Variants in ZNF718 observed in about 807,000 individuals in gnomAD.
ZNF718 encodes the protein zinc finger protein 718.
ZNF718 carries 3 observed loss-of-function variants against 2.6 expected under a neutral mutation model. The ratio of observed to expected loss-of-function variants is 1.16; its 90% CI spans 0.53 to 3.01. The LOEUF (loss-of-function observed/expected upper bound fraction) is 3.01. Among genes scored for constraint, ZNF718 ranks in the 30% most tolerant of loss-of-function variants. ZNF718 has a pLI of 0.03. For synonymous variants in ZNF718, 135 were observed against 77.9 expected (o/e 1.73, Z -3.86); for missense variants, 468 against 230.0 (o/e 2.03, Z -6.69).
chr4:175,508 A>G (rs1717328054), intron 3 of ZNF718, among the ~76,000 whole-genome samples: 1 of 152,204 alleles, frequency 6.6e-6, no homozygotes, highest in Non-Finnish European at 1.5e-5. Flanking sequence ...AAGTAGGGCA[A>G]TCCCAATATT....
chr4:188,382 G>A (rs1450790686), intron 3 of ZNF718, among the ~76,000 whole-genome samples: 1 of 152,212 alleles, frequency 6.6e-6, no homozygotes, highest in African/African-American at 2.4e-5. Context: ...AAAGATAGTG[G>A]CCTGGCCCTC....
chr4:154,999 G>A (rs1171665163), intron 3 of ZNF718, among the ~76,000 whole-genome samples: 6 of 152,214 alleles, frequency 3.9e-5, no homozygotes, highest in Admixed American at 1.3e-4. Flanking sequence ...TCTACCCATA[G>A]CTAAACAGGG....
chr4:145,468 A>C (rs1410848996), intron 3 of ZNF718, among the ~76,000 whole-genome samples: 1 of 152,182 alleles, frequency 6.6e-6, no homozygotes, highest in Non-Finnish European at 1.5e-5. Context: ...TAACAATGTA[A>C]CTTCTTTTTT....
At chr4:142,153 G>A (rs1715839647) in intron 3 of ZNF718, 1 of 447,524 alleles carries the variant, frequency 2.2e-6, no homozygotes, top group South Asian at 1.6e-5. Context: ...AACCCTTGAG[G>A]TGAAGCTAAC....
chr4:169,037 A>G, downstream of ZNF718, among the ~76,000 whole-genome samples: 1 of 152,118 alleles, frequency 6.6e-6, no homozygotes, highest in East Asian at 1.9e-4. Flanking sequence ...TGTCCCAGAG[A>G]TTCTGGTATG....
intron 1 of ZNF718, among the ~76,000 whole-genome samples, chr4:125,837 C>T (rs1715186005): frequency 6.6e-6 from 1 of 152,250 alleles, no homozygotes; most frequent in African/African-American, 2.4e-5. Flanking sequence ...GAATTGTGCC[C>T]ATGGCAGTTT....
At position 130,910 on chromosome 4, in the gene ZNF718, C is replaced by A; in HGVS notation, c.126C>A (p.Ser42=). 1 of 349,492 alleles carries A rather than the reference C, an allele frequency of 2.9e-6. No homozygotes were observed. The allele number at this position is 349,492 out of a possible 1,614,324, so 21.6% of individuals were successfully genotyped here. A position where few individuals can be genotyped will look rare whatever the true frequency, so the allele number is the denominator to read the frequency against. The change falls in exon 2 of 4, where the codon TCC becomes TCA. Residue 42 remains serine, a synonymous_variant. Transcript: ENST00000510175. ...VMLENYRNLV[S]LGVSISNPDL... ...TGGAGAACTACAGAAACCTGGTCTC[C>A]CTGGGTAAGGATAACTTTAATATGT...
At chr4:184,377 A>C (rs1717524172) in intron 3 of ZNF718, among the ~76,000 whole-genome samples, 1 of 152,160 alleles carries the variant, frequency 6.6e-6, no homozygotes, top group Admixed American at 6.5e-5. Context: ...CATGGTGGAT[A>C]AGCTTTTCAA....
chr4:148,677 A>T (rs947664057), intron 3 of ZNF718, among the ~76,000 whole-genome samples: 125 of 151,586 alleles, frequency 8.2e-4, no homozygotes, highest in African/African-American at 2.9e-3. Context: ...CCAGGGGCAC[A>T]GATGGATGTT....
intron 3 of ZNF718, among the ~76,000 whole-genome samples, chr4:197,508 C>T (rs1486239447): frequency 6.6e-6 from 1 of 152,128 alleles, no homozygotes; most frequent in Non-Finnish European, 1.5e-5. Context: ...CAAGATTAGA[C>T]CTGACCCACT....
At chr4:177,985 G>A (rs371177183) in intron 3 of ZNF718, among the ~76,000 whole-genome samples, 23 of 152,178 alleles carry the variant, frequency 1.5e-4, no homozygotes, top group African/African-American at 5.1e-4. Flanking sequence ...GGAAATACCT[G>A]TGAAGAAAGA....
chr4:197,131 TTAAAAA>T (rs1553822161), intron 3 of ZNF718, among the ~76,000 whole-genome samples: 1 of 151,606 alleles, frequency 6.6e-6, no homozygotes, highest in Non-Finnish European at 1.5e-5. Flanking sequence ...GTGTTTAAAG[TTAAAAA>T]TAAAAATGAA....
chr4:178,329 G>A (rs1444030857), intron 3 of ZNF718, among the ~76,000 whole-genome samples: 6 of 151,818 alleles, frequency 4.0e-5, no homozygotes, highest in African/African-American at 1.5e-4. Context: ...TGTAGAGGTG[G>A]GGTCTCCCTA....
chr4:156,120 CT>C (rs1238576337), intron 3 of ZNF718, among the ~76,000 whole-genome samples: 2 of 152,116 alleles, frequency 1.3e-5, no homozygotes, highest in Non-Finnish European at 2.9e-5. Flanking sequence ...TCCATTAAAC[CT>C]TTTTTTCTTA....
At chr4:160,778 C>T (rs1716787474) in intron 3 of ZNF718, 134 bp from the exon 4 acceptor site, 2 of 608,742 alleles carry the variant, frequency 3.3e-6, no homozygotes, top group Non-Finnish European at 3.0e-6. Context: ...GTCTCGAACT[C>T]CTTACCTCAT....
intron 3 of ZNF718, among the ~76,000 whole-genome samples, chr4:159,557 T>TTG (rs782615001): frequency 6.6e-6 from 1 of 152,316 alleles, no homozygotes; most frequent in Non-Finnish European, 1.5e-5. Context: ...TAGTTGAAGC[T>TTG]TGTGGAGCAT....
chr4:157,114 T>TTTTTTTTTTTTTTTTTTTTTTTTTTTC (rs1716608386), intron 3 of ZNF718, among the ~76,000 whole-genome samples: 1 of 113,604 alleles, frequency 8.8e-6, no homozygotes, highest in Non-Finnish European at 1.9e-5. Context: ...TTTTTTTTTT[T>TTTTTTTTTTTTTTTTTTTTTTTTTTTC]TTTTTTTTTT....
At chr4:142,514 A>G (rs150348471) in intron 3 of ZNF718, among the ~76,000 whole-genome samples, 2,235 of 152,296 alleles carry the variant, frequency 0.015, 39 homozygotes, top group Non-Finnish European at 0.02. Flanking sequence ...GGCTAAAGAG[A>G]CCATTGCCAG....
At chr4:173,204 C>T (rs1006279755) in intron 3 of ZNF718, among the ~76,000 whole-genome samples, 7 of 151,932 alleles carry the variant, frequency 4.6e-5, no homozygotes, top group South Asian at 2.1e-4. Context: ...CCAGCAACTC[C>T]GTACTTACAG....
Sources: gnomAD v4.1 joint callset for allele counts (sites outside exome capture counted in the v4.1 genomes callset) on GRCh38, gnomAD v4.1.1 for gene constraint, MANE v1.5 for transcripts, NCBI Gene and HGNC (gene_info 2026-07-23, HGNC 2026-07-21) for gene names.